The following PALM2AKAP2 variants were observed in gnomAD, a reference collection of about 807,000 sequenced individuals.
The protein encoded by PALM2AKAP2 is PALM2-AKAP2 fusion protein.
Under a neutral mutation model 71.5 loss-of-function variants are expected in PALM2AKAP2, and 37 were observed. The observed-to-expected ratio is 0.52, with a 90% CI of 0.40 to 0.68. PALM2AKAP2 has a LOEUF of 0.68. Among genes scored for constraint, PALM2AKAP2 ranks in the 30% least tolerant of loss-of-function variants. The probability of loss-of-function intolerance (pLI) is 0.00; values close to 1 mark genes in which losing one functional copy is unlikely to be tolerated. For synonymous variants in PALM2AKAP2, 468 were observed against 478.8 expected (o/e 0.98, Z 0.29); for missense variants, 1,224 against 1,191.8 (o/e 1.03, Z -0.40).
chr9:109,649,492 G>T (rs1052381180), intron 1 of PALM2AKAP2, among the ~76,000 whole-genome samples: 2 of 152,068 alleles, frequency 1.3e-5, no homozygotes, highest in Non-Finnish European at 2.9e-5. Context: ...AGCACATTTT[G>T]CACTTTTTAA....
chr9:110,084,707 A>T (rs1275409249), intron 1 of PALM2AKAP2, among the ~76,000 whole-genome samples: 4 of 152,122 alleles, frequency 2.6e-5, no homozygotes, highest in African/African-American at 9.7e-5. Context: ...TGTTCACTAC[A>T]CGTGCTACCA....
chr9:109,792,774 G>A (rs536755186), intron 1 of PALM2AKAP2, among the ~76,000 whole-genome samples: 17 of 152,156 alleles, frequency 1.1e-4, no homozygotes, highest in South Asian at 2.1e-4. Flanking sequence ...AGCCTGGGTC[G>A]TCTTTTCACT....
intron 1 of PALM2AKAP2, among the ~76,000 whole-genome samples, chr9:109,728,987 C>T (rs892169408): frequency 6.6e-6 from 1 of 152,178 alleles, no homozygotes. Context: ...GATATTTTAA[C>T]AACATGTTAA....
chr9:109,747,302 T>A (rs1828817612), intron 1 of PALM2AKAP2, among the ~76,000 whole-genome samples: 2 of 152,184 alleles, frequency 1.3e-5, no homozygotes, highest in Admixed American at 1.3e-4. Flanking sequence ...AGTTAAAAAG[T>A]CACTGGTATT....
intron 6 of PALM2AKAP2, among the ~76,000 whole-genome samples, chr9:110,003,967 TC>T (rs1156949086): frequency 5.3e-5 from 8 of 152,282 alleles, no homozygotes; most frequent in African/African-American, 1.9e-4. Context: ...CACTGATGGG[TC>T]TTGACTCTTT....
intron 1 of PALM2AKAP2, among the ~76,000 whole-genome samples, chr9:109,751,492 A>G (rs369263653): frequency 6.6e-6 from 1 of 152,164 alleles, no homozygotes; most frequent in Non-Finnish European, 1.5e-5. Flanking sequence ...AACTCCAGCC[A>G]TGCTGTGATT....
chr9:109,681,350 A>G (rs1400912938), intron 1 of PALM2AKAP2, among the ~76,000 whole-genome samples: 1 of 152,338 alleles, frequency 6.6e-6, no homozygotes. Context: ...TAAGTCAGAG[A>G]TATAATGTCA....
At chr9:109,981,210 C>T (rs1832263932) in intron 6 of PALM2AKAP2, among the ~76,000 whole-genome samples, 1 of 152,208 alleles carries the variant, frequency 6.6e-6, no homozygotes, top group African/African-American at 2.4e-5. Context: ...TCTACACTTC[C>T]ATGAACTTAA....
At chr9:109,683,973 A>G (rs1416252382) in intron 1 of PALM2AKAP2, among the ~76,000 whole-genome samples, 1 of 152,176 alleles carries the variant, frequency 6.6e-6, no homozygotes, top group Non-Finnish European at 1.5e-5. Flanking sequence ...TCATAATAAG[A>G]CAGTGTATAT....
chr9:109,870,244 G>A (rs534068872), intron 2 of PALM2AKAP2, among the ~76,000 whole-genome samples: 1 of 152,324 alleles, frequency 6.6e-6, no homozygotes, highest in Middle Eastern at 3.4e-3. Flanking sequence ...AGGGTTGCCT[G>A]ATTGAAGGAT....
At chr9:109,654,867 T>G (rs978323402) in intron 1 of PALM2AKAP2, among the ~76,000 whole-genome samples, 6 of 152,162 alleles carry the variant, frequency 3.9e-5, no homozygotes, top group Admixed American at 3.3e-4. Flanking sequence ...TGGTAGTTTT[T>G]CTTTTCTTTC....
At chr9:109,704,136 GA>G (rs1443807759) in intron 1 of PALM2AKAP2, among the ~76,000 whole-genome samples, 2 of 152,188 alleles carry the variant, frequency 1.3e-5, no homozygotes, top group Admixed American at 1.3e-4. Flanking sequence ...GTATAGAGCA[GA>G]AAAAGCAGGT....
At chr9:110,057,764 G>A (rs1225828977) in intron 1 of PALM2AKAP2, among the ~76,000 whole-genome samples, 5 of 152,178 alleles carry the variant, frequency 3.3e-5, no homozygotes, top group Non-Finnish European at 7.3e-5. Flanking sequence ...TCATCCAGGA[G>A]CGTGTTAAAA....
At chr9:109,976,485 T>A (rs572436552) in intron 6 of PALM2AKAP2, among the ~76,000 whole-genome samples, 1 of 152,132 alleles carries the variant, frequency 6.6e-6, no homozygotes, top group East Asian at 1.9e-4. Flanking sequence ...CTCTGAGAGG[T>A]CATCACAGAG....
At chr9:109,890,134 C>T (rs771392682) in intron 3 of PALM2AKAP2, among the ~76,000 whole-genome samples, 2 of 152,182 alleles carry the variant, frequency 1.3e-5, no homozygotes, top group Non-Finnish European at 2.9e-5. Flanking sequence ...CATACTCTTC[C>T]ACAGTTTTCA....
chr9:110,081,280 A>T (rs1028081955), intron 1 of PALM2AKAP2, among the ~76,000 whole-genome samples: 13 of 152,250 alleles, frequency 8.5e-5, no homozygotes, highest in African/African-American at 3.1e-4. Flanking sequence ...GATGTATCAA[A>T]AGATATTTTT....
intron 1 of PALM2AKAP2, among the ~76,000 whole-genome samples, chr9:109,650,415 A>G (rs1587854018): frequency 6.7e-6 from 1 of 148,750 alleles, no homozygotes; most frequent in Admixed American, 6.8e-5. Context: ...CAATTTATTC[A>G]TTTATTTATT....
chr9:109,791,449 A>T (rs532543017), intron 1 of PALM2AKAP2, among the ~76,000 whole-genome samples: 1 of 152,232 alleles, frequency 6.6e-6, no homozygotes, highest in Admixed American at 6.5e-5. Context: ...GCAGCCTGGC[A>T]TGGCAGTGGA....
chr9:109,690,139 G>C (rs1174322767), intron 1 of PALM2AKAP2, among the ~76,000 whole-genome samples: 4 of 152,092 alleles, frequency 2.6e-5, no homozygotes, highest in Non-Finnish European at 2.9e-5. Context: ...TCAGGAGGCT[G>C]TTCCCCATAC....
Sources: allele counts gnomAD v4.1 joint callset (sites outside exome capture counted in the v4.1 genomes callset), GRCh38; gene constraint gnomAD v4.1.1; transcripts MANE v1.5; gene names NCBI Gene and HGNC (gene_info 2026-07-23, HGNC 2026-07-21).